Variants in GAS7 observed in about 807,000 individuals in gnomAD.
GAS7 encodes the protein growth arrest-specific protein 7.
Under a neutral mutation model 71.1 loss-of-function variants are expected in GAS7, and 28 were observed. The ratio of observed to expected loss-of-function variants is 0.39; its 90% CI spans 0.29 to 0.54. The LOEUF (loss-of-function observed/expected upper bound fraction) is 0.54, where lower values mean the gene tolerates loss of function less well. GAS7 is among the 20% of genes least tolerant of loss of function. GAS7 has a pLI of 0.62. For synonymous variants in GAS7, 258 were observed against 245.8 expected (o/e 1.05, Z -0.46); for missense variants, 436 against 627.8 (o/e 0.69, Z 3.27).
chr17:10,025,338 T>A (rs1382996969), intron 1 of GAS7, among the ~76,000 whole-genome samples: 1 of 151,994 alleles, frequency 6.6e-6, no homozygotes. Flanking sequence ...CAGCTACACC[T>A]ACTCAGCTCC....
At chr17:10,105,155 T>C (rs1230547643) in intron 1 of GAS7, among the ~76,000 whole-genome samples, 1 of 152,100 alleles carries the variant, frequency 6.6e-6, no homozygotes, top group Non-Finnish European at 1.5e-5. Flanking sequence ...GAAACTCAAA[T>C]AGAATGCAAA....
intron 1 of GAS7, chr17:10,036,564 G>T: frequency 6.4e-7 from 1 of 1,554,848 alleles, no homozygotes. Context: ...CCGGGAAATG[G>T]GGCTGAGGCA....
At chr17:9,972,962 C>G (rs894046057) in intron 3 of GAS7, among the ~76,000 whole-genome samples, 14 of 152,098 alleles carry the variant, frequency 9.2e-5, no homozygotes, top group Admixed American at 9.2e-4. Context: ...CATTACCAAA[C>G]CCAAAGGAAC....
chr17:9,932,357 G>A (rs954249817), intron 9 of GAS7, among the ~76,000 whole-genome samples: 1 of 152,128 alleles, frequency 6.6e-6, no homozygotes, highest in Non-Finnish European at 1.5e-5. Context: ...ACCAAGCCCA[G>A]CTAATTTTTG....
Position 9,913,112 on chromosome 17 carries a change from C to T in GAS7, c.*4116G>A, listed in dbSNP as rs2067483513. 1 of 232,406 alleles carries T rather than the reference C, an allele frequency of 4.3e-6. No individual in the cohort carries two copies. Among genetic ancestry groups the T allele is most frequent in the Non-Finnish European group, 8.5e-6 (1 of 117,560 alleles). 14.4% of individuals were successfully genotyped at this position (232,406 alleles called of 1,614,324 possible). On this transcript the variant is annotated 3_prime_UTR_variant, in exon 14 of 14. Coordinates refer to ENST00000432992, the MANE Select transcript of GAS7 (RefSeq NM_201433.2). ...TGATCTTGGTGATGGTCACAAGACA[C>T]TAAATTTGTCAAAATTCACAGAGCT...
chr17:10,102,224 A>AGG, intron 1 of GAS7, among the ~76,000 whole-genome samples: 1 of 151,260 alleles, frequency 6.6e-6, no homozygotes. Flanking sequence ...AAAAAAAAAA[A>AGG]AAAAAAAGAA....
At chr17:10,005,050 T>TATATATATATATATATATACAC (rs1296844463) in intron 2 of GAS7, among the ~76,000 whole-genome samples, 3 of 150,158 alleles carry the variant, frequency 2.0e-5, no homozygotes, top group East Asian at 2.0e-4. Flanking sequence ...TACATATATA[T>TATATATATATATATATATACAC]ACACATATAT....
At chr17:10,168,283 A>AG (rs2074310133) in intron 1 of GAS7, among the ~76,000 whole-genome samples, 2 of 152,342 alleles carry the variant, frequency 1.3e-5, no homozygotes, top group South Asian at 4.1e-4. Flanking sequence ...TTATCAAGTG[A>AG]GAAAAAAAAG....
chr17:10,039,149 T>C (rs1248654674), intron 1 of GAS7, among the ~76,000 whole-genome samples: 1 of 151,428 alleles, frequency 6.6e-6, no homozygotes, highest in African/African-American at 2.4e-5. Context: ...AACACGTGGG[T>C]ATACTCAAAG....
At chr17:10,038,972 T>C (rs1041517939) in intron 1 of GAS7, among the ~76,000 whole-genome samples, 31 of 152,246 alleles carry the variant, frequency 2.0e-4, no homozygotes, top group African/African-American at 7.2e-4. Flanking sequence ...GCTTCACTTC[T>C]ATGAGGCACC....
At chr17:10,118,704 CAAAAAAA>C (rs34461299) in intron 1 of GAS7, among the ~76,000 whole-genome samples, 1,525 of 70,260 alleles carry the variant, frequency 0.022, 31 homozygotes, top group African/African-American at 0.078. Flanking sequence ...ACTCTGTCTC[CAAAAAAA>C]AAAAAAAAAA....
chr17:10,102,228 AAAAG>A (rs2073709035), intron 1 of GAS7, among the ~76,000 whole-genome samples: 2 of 144,336 alleles, frequency 1.4e-5, no homozygotes, highest in Non-Finnish European at 3.1e-5. Context: ...AAAAAAAAAA[AAAAG>A]AATCTTCCCC....
At chr17:10,076,819 C>T (rs2073399201) in intron 1 of GAS7, among the ~76,000 whole-genome samples, 1 of 141,932 alleles carries the variant, frequency 7.0e-6, no homozygotes, top group South Asian at 2.2e-4. Context: ...CCTCCCAGTA[C>T]CAGGGCGAGA....
intron 1 of GAS7, among the ~76,000 whole-genome samples, chr17:10,108,840 G>T (rs2073783973): frequency 6.6e-6 from 1 of 152,166 alleles, no homozygotes; most frequent in Non-Finnish European, 1.5e-5. Flanking sequence ...ACTCAAGATG[G>T]ATTAAAGACT....
chr17:9,944,615 C>A (rs1306604389), intron 6 of GAS7, among the ~76,000 whole-genome samples: 1 of 152,206 alleles, frequency 6.6e-6, no homozygotes, highest in Non-Finnish European at 1.5e-5. Context: ...TCCCAGTTCC[C>A]CCGGTGTGGG....
intron 9 of GAS7, among the ~76,000 whole-genome samples, chr17:9,932,103 T>C (rs1310825514): frequency 6.6e-6 from 1 of 151,786 alleles, no homozygotes; most frequent in Non-Finnish European, 1.5e-5. Context: ...CACTTTACCC[T>C]GCTGTGTCTG....
rs115816021 is a variant in GAS7, at chr17:9,987,462, G to A, written c.305-5578C>T. Among the ~76,000 whole-genome samples the A allele has an allele frequency of 3.0e-3, 455 of 152,324 alleles. 5 individuals are homozygous for A. The highest frequency in any genetic ancestry group is 0.01 in the African/African-American group (431 of 41,564). ...CAAAGATGTTAATCTTCTCCTCAGC[G>A]AATGCCAGTGTCTACCCCACATAGA... is the stretch of plus-strand genomic sequence containing the variant. On this transcript the variant is annotated intron_variant, in intron 2 of 13. Transcript: ENST00000432992.
chr17:10,038,055 TA>T lies in GAS7; in HGVS notation c.184-18159del, dbSNP rs201343182. Among the ~76,000 whole-genome samples, 1,383 of 144,744 alleles carry T rather than the reference TA, an allele frequency of 9.6e-3. 28 individuals are homozygous for T. The East Asian group carries it at 0.11, about 11-fold the overall frequency. The allele number at this position is 144,744 out of a possible 152,430, so 95.0% of individuals were successfully genotyped here. A position where few individuals can be genotyped will look rare whatever the true frequency, so the allele number is the denominator to read the frequency against. On this transcript the variant is annotated intron_variant, in intron 1 of 13. Coordinates refer to ENST00000432992, the MANE Select transcript of GAS7 (RefSeq NM_201433.2). Reference sequence around the variant, plus strand: ...GCTCACACCCATTAGGACAGGTTCTTAAAAAAAAAAAACCAGACAAGGCCAG... The same window carrying T: ...GCTCACACCCATTAGGACAGGTTCTTAAAAAAAAAAACCAGACAAGGCCAG...
chr17:10,128,020 AG>A (rs1369734140), intron 1 of GAS7, among the ~76,000 whole-genome samples: 1 of 152,164 alleles, frequency 6.6e-6, no homozygotes, highest in Non-Finnish European at 1.5e-5. Flanking sequence ...GAGGGGAGGC[AG>A]CACCGGCGAG....
Sources: gnomAD v4.1 joint callset for allele counts (sites outside exome capture counted in the v4.1 genomes callset) on GRCh38, gnomAD v4.1.1 for gene constraint, MANE v1.5 for transcripts, NCBI Gene and HGNC (gene_info 2026-07-23, HGNC 2026-07-21) for gene names.